ESYT2: variants seen among roughly 807,000 people sequenced by gnomAD.
ESYT2 encodes extended synaptotagmin 2.
Under a neutral mutation model 107.2 loss-of-function variants are expected in ESYT2, and 54 were observed. The observed-to-expected ratio is 0.50, with a 90% confidence interval of 0.40 to 0.63. The LOEUF is 0.63. Ranked by LOEUF, ESYT2 falls within the 30% of genes least tolerant of loss-of-function variation. The probability of loss-of-function intolerance (pLI) is 0.00; values close to 1 mark genes in which losing one functional copy is unlikely to be tolerated. For missense variants in ESYT2, 1,020 were observed against 1,094.5 expected (o/e 0.93, Z 0.96); for synonymous variants, 491 against 434.1 (o/e 1.13, Z -1.63).
intron 1 of ESYT2, among the ~76,000 whole-genome samples, chr7:158,828,429 G>A (rs1840518655): frequency 1.3e-5 from 2 of 152,218 alleles, no homozygotes; most frequent in South Asian, 4.1e-4. Flanking sequence ...GCGGCACCAG[G>A]AGGAAGCGCG....
chr7:158,811,580 T>G (rs1377302425), intron 1 of ESYT2, among the ~76,000 whole-genome samples: 1 of 152,146 alleles, frequency 6.6e-6, no homozygotes, highest in East Asian at 1.9e-4. Flanking sequence ...CTCCCGCACA[T>G]GTGCACAGGC....
intron 16 of ESYT2, among the ~76,000 whole-genome samples, chr7:158,746,207 C>T (rs192159108): frequency 7.6e-5 from 11 of 144,138 alleles, no homozygotes; most frequent in Non-Finnish European, 1.5e-4. Context: ...GTGGTGAAAC[C>T]GCATCTTTAC....
intron 6 of ESYT2, among the ~76,000 whole-genome samples, chr7:158,783,198 G>A (rs1350783462): frequency 6.6e-6 from 1 of 152,114 alleles, no homozygotes; most frequent in Non-Finnish European, 1.5e-5. Flanking sequence ...CTCCAAGATC[G>A]GAAAACAATG....
At chr7:158,792,257 C>T in intron 4 of ESYT2, among the ~76,000 whole-genome samples, 1 of 150,236 alleles carries the variant, frequency 6.7e-6, no homozygotes, top group African/African-American at 2.5e-5. Context: ...GGTGCAGTCG[C>T]TCACGCCTGT....
At chr7:158,785,275 A>C (rs1839068850) in intron 6 of ESYT2, among the ~76,000 whole-genome samples, 1 of 152,058 alleles carries the variant, frequency 6.6e-6, no homozygotes, top group African/African-American at 2.4e-5. Flanking sequence ...ATAGAAAAAA[A>C]TTAGCCAGGC....
chr7:158,811,439 T>G (rs1291578482), intron 1 of ESYT2, among the ~76,000 whole-genome samples: 1 of 152,194 alleles, frequency 6.6e-6, no homozygotes, highest in Non-Finnish European at 1.5e-5. Context: ...GCAAAGCCAT[T>G]CCATTGTGGG....
intron 13 of ESYT2, among the ~76,000 whole-genome samples, chr7:158,756,914 TAAAAAAAAAAA>T (rs201326042): frequency 2.0e-5 from 2 of 98,802 alleles, no homozygotes; most frequent in Admixed American, 1.0e-4. Context: ...CATCTCAAAT[TAAAAAAAAAAA>T]AAAAAAAAAA....
intron 19 of ESYT2, 106 bp from the exon 20 acceptor site, chr7:158,737,285 AAC>A: frequency 7.1e-7 from 1 of 1,399,272 alleles, no homozygotes; most frequent in Middle Eastern, 2.7e-4. Context: ...TTTATCTACA[AAC>A]CGAGAAGCAA....
Position 158,798,017 on chromosome 7 carries a change from A to C in ESYT2, c.432T>G (p.Thr144=). ...CQFIEKLFRE[T]IEPAVRGANT... ...TTGCTCCCCGCACGGCTGGTTCTAT[A>C]GTTTCTCGAAACAACTTCTCTATAA... is the stretch of plus-strand genomic sequence containing the variant. Residue 144 remains threonine, a synonymous_variant, in exon 3 of 23, where the codon ACT becomes ACG. Coordinates refer to ENST00000275418, the MANE Select transcript of ESYT2 (RefSeq NM_001367773.1). 7 of 1,614,184 alleles carry C rather than the reference A, an allele frequency of 4.3e-6. No homozygotes were observed. The highest frequency in any genetic ancestry group is 5.1e-6 in the Non-Finnish European group (6 of 1,180,018).
At chr7:158,741,338 A>C (rs1837193873) in intron 18 of ESYT2, among the ~76,000 whole-genome samples, 185 bp downstream of exon 18, 1 of 152,190 alleles carries the variant, frequency 6.6e-6, no homozygotes, top group Non-Finnish European at 1.5e-5. Context: ...TTTTATTTCC[A>C]AAGTCCGAGA....
rs939506150 is a variant in ESYT2 at position 158,735,489 on chromosome 7, C to T, written c.2505+14G>A. On this transcript the variant is annotated intron_variant, in intron 21 of 22. Transcript: ENST00000275418. The stretch of plus-strand genomic sequence containing the variant: ...AAACTGCAGGAACTGGTTGAGGATT[C>T]GTTTGGCACTTACTTTGCCAAGGAG... The T allele has an allele frequency of 5.0e-6, 8 of 1,603,786 alleles. No individual in the cohort carries two copies. Among genetic ancestry groups the T allele is most frequent in the East Asian group, 2.2e-5 (1 of 44,828 alleles).
chr7:158,741,420 G>C, intron 18 of ESYT2, 103 bp downstream of exon 18: 6 of 1,468,430 alleles, frequency 4.1e-6, no homozygotes, highest in Non-Finnish European at 5.4e-6. Context: ...CCTCCCCAAA[G>C]CATGCCGGCC....
chr7:158,746,594 G>T (rs561835627), intron 16 of ESYT2, among the ~76,000 whole-genome samples: 1 of 152,086 alleles, frequency 6.6e-6, no homozygotes, highest in East Asian at 1.9e-4. Context: ...TAGAACAATG[G>T]AACAGAAGGA....
Position 158,741,490 on chromosome 7 carries a change from C to T in ESYT2, c.2168+33G>A, listed in dbSNP as rs552106412. The T allele has an allele frequency of 1.9e-5, 29 of 1,530,038 alleles. No individual in the cohort carries two copies. In the East Asian group the frequency reaches 6.1e-4, roughly 32 times the overall value. 94.8% of individuals were successfully genotyped at this position (1,530,038 alleles called of 1,614,324 possible). A position where few individuals can be genotyped will look rare whatever the true frequency, so the allele number is the denominator to read the frequency against. ...CGTGGGGTGGGGGGCGCTTGCTCTG[C>T]TGGTGAGAAACAACATGGTGGCACT... On this transcript the variant is annotated intron_variant, in intron 18 of 22. Transcript: ENST00000275418.
intron 8 of ESYT2, 62 bp downstream of exon 8, chr7:158,767,592 C>A: frequency 6.4e-7 from 1 of 1,573,404 alleles, no homozygotes; most frequent in Non-Finnish European, 8.6e-7. Flanking sequence ...CAATGCCACA[C>A]CCGCAGGCAG....
In ESYT2 at chr7:158,792,505, G is replaced by C. The variant is rs1839329022; in HGVS notation, c.584+1145C>G. On this transcript the variant is annotated intron_variant, in intron 4 of 22. Transcript: ENST00000275418. The stretch of plus-strand genomic sequence containing the variant: ...ACTGCGCCACTGCACTCCAGCCTGA[G>C]TGATAAGGCAAGACCCTGTGTCAAA... Among the ~76,000 whole-genome samples, 3 of 150,942 alleles carry C rather than the reference G, an allele frequency of 2.0e-5. No homozygotes were observed. In the South Asian group the frequency reaches 6.2e-4, roughly 31 times the overall value.
Position 158,744,756 on chromosome 7 carries a change from A to G in ESYT2, c.1645-1078T>C, listed in dbSNP as rs548723396. Among the ~76,000 whole-genome samples the G allele has an allele frequency of 8.5e-5, 13 of 152,338 alleles. No individual in the cohort carries two copies. The East Asian group carries it at 2.5e-3, about 29-fold the overall frequency. On this transcript the variant is annotated intron_variant, in intron 16 of 22. Transcript: ENST00000275418. Reference sequence around the variant, plus strand: ...AATATAAAATAATTTAATCAAATAGAGTAAGAACTCTGAAGGTTTCTCAGG... The same window carrying G: ...AATATAAAATAATTTAATCAAATAGGGTAAGAACTCTGAAGGTTTCTCAGG...
intron 1 of ESYT2, among the ~76,000 whole-genome samples, chr7:158,822,994 T>C (rs1840328771): frequency 6.6e-6 from 1 of 151,838 alleles, no homozygotes. Flanking sequence ...TTTTCATCCA[T>C]TATTAAAAGA....
intron 1 of ESYT2, among the ~76,000 whole-genome samples, chr7:158,803,843 G>T (rs1266391228): frequency 3.5e-4 from 41 of 118,454 alleles, no homozygotes; most frequent in African/African-American, 1.1e-3. Flanking sequence ...AACCCAAACC[G>T]TCGAGAAGGG....
Sources: gnomAD v4.1 joint callset for allele counts (sites outside exome capture counted in the v4.1 genomes callset) on GRCh38, gnomAD v4.1.1 for gene constraint, MANE v1.5 for transcripts, NCBI Gene and HGNC (gene_info 2026-07-23, HGNC 2026-07-21) for gene names.